NLRC4: variants seen among roughly 807,000 people sequenced by gnomAD.
NLRC4 encodes the protein NLR family CARD domain-containing protein 4.
NLRC4 carries 63 observed loss-of-function variants against 79.9 expected under a neutral mutation model. The ratio of observed to expected loss-of-function variants is 0.79; its 90% CI spans 0.64 to 0.97. The LOEUF is 0.97. Among genes scored for constraint, NLRC4 ranks in the 50% least tolerant of loss-of-function variants. NLRC4 has a pLI of 0.00. For synonymous variants in NLRC4, 461 were observed against 456.5 expected, an observed-to-expected ratio of 1.01 and a Z score of -0.12; for missense variants, 1,074 against 1,215.2, an observed-to-expected ratio of 0.88 and a Z score of 1.73.
Position 32,237,996 on chromosome 2 carries a change from T to G in NLRC4, c.2521+136A>C, listed in dbSNP as rs1406359012. The G allele has an allele frequency of 1.0e-5, 6 of 571,558 alleles. No homozygotes were observed. In the Admixed American group the frequency reaches 1.8e-4, roughly 17 times the overall value. 35.4% of individuals were successfully genotyped at this position (571,558 alleles called of 1,614,324 possible). The stretch of plus-strand genomic sequence containing the variant: ...AGAAAAATCATTAAAAACAATCTGC[T>G]TATTATCGAGAAGTTTTTATTTTCC... On this transcript the variant is annotated intron_variant, in intron 6 of 8. Coordinates refer to ENST00000402280, the MANE Select transcript of NLRC4 (RefSeq NM_001199138.2).
rs773324965 is a variant in NLRC4, at chr2:32,250,432, C to G, written c.1432G>C (p.Val478Leu). The part of the protein sequence containing the change: ...TKGNGYLQKM[V>L]SISDITSTYS... ...GTGGATGTAATGTCCGAAATGGAAA[C>G]CATTTTCTGCAAGTAACCATTCCCC... The change falls in exon 4 of 9, where the codon GTT (valine) becomes CTT (leucine). Residue 478 changes from valine (V) to leucine (L), a missense_variant. Val to Leu is a conservative substitution (Grantham distance 32). Coordinates refer to ENST00000402280, the MANE Select transcript of NLRC4 (RefSeq NM_001199138.2). This position sits in a 1 kb window ranked among gnomAD's most constrained non-coding sequence, Gnocchi z 4.9. The G allele has an allele frequency of 6.8e-6, 11 of 1,614,054 alleles. No individual in the cohort carries two copies. In the East Asian group the frequency reaches 1.8e-4, roughly 26 times the overall value.
chr2:32,254,265 A>G (rs1483926030), intron 2 of NLRC4, among the ~76,000 whole-genome samples: 1 of 152,056 alleles, frequency 6.6e-6, no homozygotes, highest in Non-Finnish European at 1.5e-5. Context: ...CATGTATAGT[A>G]TCTCATACAA....
rs758946212 is a variant in NLRC4, at chr2:32,249,900, C to T, written c.1964G>A (p.Trp655Ter). 7 of 1,614,188 alleles carry T rather than the reference C, an allele frequency of 4.3e-6. No homozygotes were observed. Among genetic ancestry groups the T allele is most frequent in the Non-Finnish European group, 3.4e-6 (4 of 1,180,048 alleles). The change falls in exon 4 of 9, where the codon TGG becomes TAG. Residue 655 changes from tryptophan to a stop codon, truncating the protein, a stop_gained. Transcript: ENST00000402280. LOFTEE classifies it high-confidence loss of function. ...PSRAVSLFFN[W>*]KQEFRTLEVT... is the part of the protein sequence containing the mutation. ...CTCCAGAGTCCTGAATTCCTGCTTC[C>T]AGTTGAAGAACAAAGATACAGCCCT...
chr2:32,224,488 T>G lies in NLRC4; in HGVS notation c.3060A>C (p.Lys1020Asn), dbSNP rs1232702870. 6.2e-7 allele frequency: 1 copy of G among 1,603,750 alleles called. No individual in the cohort carries two copies. Among genetic ancestry groups the G allele is most frequent in the East Asian group, 2.2e-5 (1 of 44,642 alleles). Residue 1020 changes from lysine to asparagine, a missense_variant, in exon 9 of 9, where the codon AAA (lysine) becomes AAC (asparagine). Lys to Asn is a moderately conservative substitution (Grantham distance 94, BLOSUM62 0). Coordinates refer to ENST00000402280, the MANE Select transcript of NLRC4 (RefSeq NM_001199138.2). ...DDLSVITGAF[K>N]LVTA is the part of the protein sequence containing the mutation. ...TACACTTTATTTAAGCAGTTACTAGTTTAAAAGCACCTGTAATAACACTGA... is the reference window on the plus strand; with the variant it reads ...TACACTTTATTTAAGCAGTTACTAGGTTAAAAGCACCTGTAATAACACTGA...
chr2:32,229,517 A>G (rs1039700773), intron 8 of NLRC4, among the ~76,000 whole-genome samples: 3 of 152,182 alleles, frequency 2.0e-5, no homozygotes, highest in African/African-American at 4.8e-5. Context: ...TGAGCTAGCA[A>G]TGATTTTTAT....
At chr2:32,255,779 C>G (rs998259430) in intron 2 of NLRC4, among the ~76,000 whole-genome samples, 1 of 152,196 alleles carries the variant, frequency 6.6e-6, no homozygotes, top group Non-Finnish European at 1.5e-5. Flanking sequence ...TTTTGGGAGG[C>G]CGAGGCGGGT....
chr2:32,226,049 T>A (rs1558443136), intron 8 of NLRC4, among the ~76,000 whole-genome samples: 1 of 152,130 alleles, frequency 6.6e-6, no homozygotes. Context: ...AGAGTTCAAG[T>A]TAAAGAAGGA....
chr2:32,264,517 C>T (rs955147209), intron 1 of NLRC4, among the ~76,000 whole-genome samples: 7 of 151,402 alleles, frequency 4.6e-5, no homozygotes, highest in African/African-American at 1.7e-4. Flanking sequence ...CACAGTAGTC[C>T]AAGGGGTACA....
At chr2:32,261,352 G>A (rs1268646035) in intron 1 of NLRC4, among the ~76,000 whole-genome samples, 3 of 45,376 alleles carry the variant, frequency 6.6e-5, no homozygotes, top group Non-Finnish European at 5.2e-5. Context: ...TCGCTCTGTA[G>A]CCAGGCTGGA....
In NLRC4 at chr2:32,240,052, C is replaced by T. The variant is rs148068084; in HGVS notation, c.2350+981G>A. On this transcript the variant is annotated intron_variant, in intron 5 of 8. Coordinates refer to ENST00000402280, the MANE Select transcript of NLRC4 (RefSeq NM_001199138.2). Reference sequence around the variant, plus strand: ...CTGGAGTGCAGTGGAGCAATCTCGGCTCACTACAACCTCCTCCTCCTGAGT... The same window carrying T: ...CTGGAGTGCAGTGGAGCAATCTCGGTTCACTACAACCTCCTCCTCCTGAGT... 4.6e-5 allele frequency among the ~76,000 whole-genome samples: 7 copies of T among 152,328 alleles called. No individual in the cohort carries two copies. The East Asian group carries it at 1.3e-3, about 29-fold the overall frequency.
At chr2:32,258,711 G>A (rs890422213) in intron 1 of NLRC4, among the ~76,000 whole-genome samples, 2 of 152,180 alleles carry the variant, frequency 1.3e-5, no homozygotes, top group Non-Finnish European at 2.9e-5. Flanking sequence ...ATAAGAAACG[G>A]ATTTCAATTT....
intron 3 of NLRC4, among the ~76,000 whole-genome samples, chr2:32,252,142 G>A (rs1687093158): frequency 1.3e-5 from 2 of 152,182 alleles, no homozygotes; most frequent in African/African-American, 4.8e-5. Context: ...TGCACTGGAA[G>A]CTTAACTAGT....
rs184117819 is a variant in NLRC4 at position 32,255,929 on chromosome 2, G to A, written c.1+846C>T. On this transcript the variant is annotated intron_variant, in intron 2 of 8. Transcript: ENST00000402280. The stretch of plus-strand genomic sequence containing the variant: ...CTCAGGAGGCTGAGGCAGAAGCATC[G>A]CTTGAACCCAGGAGGTGGAGGTTGC... Among the ~76,000 whole-genome samples, 910 of 151,562 alleles carry A rather than the reference G, an allele frequency of 6.0e-3. 11 individuals carry two copies. Among genetic ancestry groups the A allele is most frequent in the African/African-American group, 0.021 (851 of 41,274 alleles).
chr2:32,252,779 G>A, intron 2 of NLRC4, 100 bp from the exon 3 acceptor site: 2 of 966,156 alleles, frequency 2.1e-6, no homozygotes, highest in Non-Finnish European at 3.1e-6. Context: ...AGCACTTTGG[G>A]AGGCCGAGGC....
chr2:32,251,681 G>A (rs1687082489), intron 3 of NLRC4, 80 bp from the exon 4 acceptor site: 28 of 952,712 alleles, frequency 2.9e-5, no homozygotes, highest in Non-Finnish European at 4.5e-5. Flanking sequence ...ATGAACGGGG[G>A]GGTGAGGCTG....
chr2:32,228,339 GC>G (rs1012480129), intron 8 of NLRC4, among the ~76,000 whole-genome samples: 1 of 152,104 alleles, frequency 6.6e-6, no homozygotes, highest in African/African-American at 2.4e-5. Flanking sequence ...CCGGGAAAAG[GC>G]CCTACAAAGA....
intron 8 of NLRC4, among the ~76,000 whole-genome samples, chr2:32,228,154 C>T (rs1237222782): frequency 1.3e-5 from 2 of 152,144 alleles, no homozygotes; most frequent in Admixed American, 1.3e-4. Context: ...AGTGTGAAGA[C>T]ATGCATTATA....
At position 32,229,378 on chromosome 2, in the gene NLRC4, C is replaced by T. The variant is rs557782390; in HGVS notation, c.2783-4613G>A. ...ACTGGGGAGGCTGAGGCAGGAGAAT[C>T]ACTTGAGATTCAGAGAAGCGAATAG... On this transcript the variant is annotated intron_variant, in intron 8 of 8. Coordinates refer to ENST00000402280, the MANE Select transcript of NLRC4 (RefSeq NM_001199138.2). Among the ~76,000 whole-genome samples, 14 of 152,196 alleles carry T rather than the reference C, an allele frequency of 9.2e-5. 1 individual carries two copies. In the South Asian group the frequency reaches 2.9e-3, roughly 32 times the overall value.
intron 4 of NLRC4, among the ~76,000 whole-genome samples, chr2:32,249,285 G>T (rs2148941328): frequency 6.6e-6 from 1 of 152,324 alleles, no homozygotes; most frequent in South Asian, 2.1e-4. Flanking sequence ...ACCCCAAAGT[G>T]AACATGGGTT....
Sources: allele counts gnomAD v4.1 joint callset (sites outside exome capture counted in the v4.1 genomes callset), GRCh38; gene constraint gnomAD v4.1.1; non-coding constraint Gnocchi (gnomAD v3.1); transcripts MANE v1.5; gene names NCBI Gene and HGNC (gene_info 2026-07-23, HGNC 2026-07-21).